Variants in DRC11 observed in about 807,000 individuals in gnomAD.
DRC11 encodes the protein dynein regulatory complex subunit 11.
the DRC11 span, among the ~76,000 whole-genome samples, chr2:236,439,902 CATTATT>C: frequency 2.6e-5 from 4 of 152,110 alleles, no homozygotes; most frequent in Non-Finnish European, 4.4e-5. Flanking sequence ...CTAGTATTAT[CATTATT>C]AAGAAAAACT....
At chr2:236,374,529 A>AAGCATG in the DRC11 span, among the ~76,000 whole-genome samples, 6 of 152,186 alleles carry the variant, frequency 3.9e-5, no homozygotes, top group Non-Finnish European at 2.9e-5. Flanking sequence ...GTTATACAGG[A>AAGCATG]AGCATGATGC....
At chr2:236,439,136 C>A in the DRC11 span, among the ~76,000 whole-genome samples, 3 of 150,128 alleles carry the variant, frequency 2.0e-5, no homozygotes, top group African/African-American at 7.4e-5. Flanking sequence ...AAAATTGACA[C>A]CCTAACATCA....
the DRC11 span, chr2:236,441,029 C>A: frequency 6.9e-7 from 1 of 1,445,052 alleles, no homozygotes; most frequent in Non-Finnish European, 9.5e-7. Context: ...ATTTCTCAAG[C>A]ATATTTGTAC....
the DRC11 span, among the ~76,000 whole-genome samples, chr2:236,434,721 T>G: frequency 2.0e-5 from 3 of 152,206 alleles, no homozygotes; most frequent in Non-Finnish European, 4.4e-5. The surrounding 1 kb of genome is among the most constrained non-coding windows in gnomAD (Gnocchi z 5.5). Flanking sequence ...TTCTCAATTT[T>G]CTTTTGACTA....
chr2:236,391,970 A>T, the DRC11 span: 24 of 1,612,256 alleles, frequency 1.5e-5, no homozygotes, highest in African/African-American at 2.4e-4. The surrounding 1 kb of genome is among the most constrained non-coding windows in gnomAD (Gnocchi z 4.5). Flanking sequence ...CTCCTTCCCC[A>T]CTCACCTTGT....
chr2:236,398,196 T>A, the DRC11 span, among the ~76,000 whole-genome samples: 1 of 152,160 alleles, frequency 6.6e-6, no homozygotes, highest in Non-Finnish European at 1.5e-5. The surrounding 1 kb of genome is among the most constrained non-coding windows in gnomAD (Gnocchi z 6.2). Context: ...CCTCCTTTCT[T>A]CCCAGTGAAA....
the DRC11 span, among the ~76,000 whole-genome samples, chr2:236,493,329 T>C: frequency 1.6e-4 from 24 of 152,288 alleles, no homozygotes; most frequent in Admixed American, 6.5e-4. Flanking sequence ...GGTGGGGACA[T>C]AGTCAAACCA....
the DRC11 span, among the ~76,000 whole-genome samples, chr2:236,494,066 A>G: frequency 4.2e-4 from 64 of 152,346 alleles, no homozygotes; most frequent in East Asian, 0.012. This position sits in a 1 kb window ranked among gnomAD's most constrained non-coding sequence, Gnocchi z 4.2. Context: ...AAAGAGACAC[A>G]AAGTCAGAAA....
At chr2:236,338,122 T>A in the DRC11 span, 1 of 1,412,034 alleles carries the variant, frequency 7.1e-7, no homozygotes, top group Non-Finnish European at 9.5e-7. Flanking sequence ...GCCCACCGGG[T>A]CCAAGGGCCG....
the DRC11 span, among the ~76,000 whole-genome samples, chr2:236,448,617 T>C: frequency 6.6e-6 from 1 of 151,936 alleles, no homozygotes; most frequent in African/African-American, 2.4e-5. This position sits in a 1 kb window ranked among gnomAD's most constrained non-coding sequence, Gnocchi z 5.3. Context: ...ATTACAGGCA[T>C]GAGCCACCAT....
At chr2:236,408,824 C>T in the DRC11 span, 1 of 661,020 alleles carries the variant, frequency 1.5e-6, no homozygotes, top group Non-Finnish European at 2.8e-6. This position sits in a 1 kb window ranked among gnomAD's most constrained non-coding sequence, Gnocchi z 5.5. Context: ...ATGCCCATAG[C>T]CACCATGGCA....
chr2:236,376,044 C>T, the DRC11 span, among the ~76,000 whole-genome samples: 2 of 152,218 alleles, frequency 1.3e-5, no homozygotes, highest in African/African-American at 4.8e-5. The surrounding 1 kb of genome is among the most constrained non-coding windows in gnomAD (Gnocchi z 5.7). Context: ...TGGAGAAATC[C>T]CGGGAACAGC....
chr2:236,498,474 AAAG>A, the DRC11 span, among the ~76,000 whole-genome samples: 5,178 of 145,174 alleles, frequency 0.036, 319 homozygotes, highest in African/African-American at 0.14. Flanking sequence ...AAAAAAAAAA[AAAG>A]AGTGAGGTGA....
chr2:236,462,610 G>A, the DRC11 span, among the ~76,000 whole-genome samples: 3 of 152,136 alleles, frequency 2.0e-5, no homozygotes, highest in East Asian at 1.9e-4. The surrounding 1 kb of genome is among the most constrained non-coding windows in gnomAD (Gnocchi z 6.4). Context: ...GGCGGAGGTT[G>A]CAGTGAGCCG....
chr2:236,383,793 T>A, the DRC11 span, among the ~76,000 whole-genome samples: 1 of 152,124 alleles, frequency 6.6e-6, no homozygotes, highest in South Asian at 2.1e-4. Flanking sequence ...TAGGTATATC[T>A]CCCGATGCTA....
chr2:236,357,825 C>T, the DRC11 span, among the ~76,000 whole-genome samples: 1 of 120,010 alleles, frequency 8.3e-6, no homozygotes, highest in Non-Finnish European at 1.6e-5. Context: ...TATAAATATA[C>T]ATATACTATA....
At chr2:236,485,178 G>C in the DRC11 span, among the ~76,000 whole-genome samples, 1 of 151,790 alleles carries the variant, frequency 6.6e-6, no homozygotes, top group East Asian at 1.9e-4. Context: ...TCACCTAATA[G>C]TTTTTAACCT....
chr2:236,454,441 A>G, the DRC11 span, among the ~76,000 whole-genome samples: 2 of 152,174 alleles, frequency 1.3e-5, no homozygotes, highest in Non-Finnish European at 2.9e-5. This position sits in a 1 kb window ranked among gnomAD's most constrained non-coding sequence, Gnocchi z 5.3. Context: ...CAGTAGAAAA[A>G]GTTATTTTCC....
At chr2:236,354,207 A>ATGTGCGT in the DRC11 span, among the ~76,000 whole-genome samples, 7 of 69,540 alleles carry the variant, frequency 1.0e-4, no homozygotes, top group African/African-American at 4.9e-4. Context: ...TGTGTGTGTC[A>ATGTGCGT]ATGTATGTGT....
Sources: gnomAD v4.1 joint callset for allele counts (sites outside exome capture counted in the v4.1 genomes callset) on GRCh38, gnomAD v4.1.1 for gene constraint, Gnocchi (gnomAD v3.1) non-coding constraint, MANE v1.5 for transcripts, NCBI Gene and HGNC (gene_info 2026-07-23, HGNC 2026-07-21) for gene names.